The following GRM5 variants were observed in gnomAD, a reference collection of about 807,000 sequenced individuals.
GRM5 encodes glutamate metabotropic receptor 5, also known as metabotropic glutamate receptor 5.
GRM5 carries 19 observed loss-of-function variants against 83.1 expected under a neutral mutation model. That is an observed-to-expected ratio of 0.23 (90% CI 0.16 to 0.34). The LOEUF (loss-of-function observed/expected upper bound fraction) is 0.34, where lower values mean the gene tolerates loss of function less well. Ranked by LOEUF, GRM5 falls within the 10% of genes least tolerant of loss-of-function variation. The pLI is 1.00. For synonymous variants in GRM5, 675 were observed against 633.6 expected (o/e 1.07, Z -0.98); for missense variants, 1,160 against 1,588.3 (o/e 0.73, Z 4.58).
In GRM5 at chr11:88,975,912, G is replaced by T. The variant is rs1231055933; in HGVS notation, c.661+71300C>A. Among the ~76,000 whole-genome samples the T allele has an allele frequency of 2.6e-5, 4 of 152,186 alleles. No homozygotes were observed. In the East Asian group the frequency reaches 5.8e-4, roughly 22 times the overall value. Reference sequence around the variant, plus strand: ...GAGATCATAATAGTGTCCTCCCTTGGTTATAACAAGAATGAAATAATGTTA... The same window carrying T: ...GAGATCATAATAGTGTCCTCCCTTGTTTATAACAAGAATGAAATAATGTTA... On this transcript the variant is annotated intron_variant, in intron 2 of 9. Transcript: ENST00000305447.
At chr11:88,854,077 T>TATATATATATATATATATATATACAC (rs927592084) in intron 2 of GRM5, among the ~76,000 whole-genome samples, 1 of 149,288 alleles carries the variant, frequency 6.7e-6, no homozygotes, top group African/African-American at 2.5e-5. Context: ...TATATATATA[T>TATATATATATATATATATATATACAC]ACACAATGAA....
intron 2 of GRM5, among the ~76,000 whole-genome samples, chr11:88,985,202 A>G (rs1247201448): frequency 2.0e-5 from 3 of 152,072 alleles, no homozygotes; most frequent in Non-Finnish European, 4.4e-5. Flanking sequence ...TCATACCCAC[A>G]ATCCTAAAGG....
In GRM5 at chr11:88,810,635, T is replaced by C. The variant is rs527493342; in HGVS notation, c.911+39271A>G. ...TCGTTGCTCCTACAAACATGCAGCA[T>C]AGGAGGAAGGGAAACAGCTTTTACT... On this transcript the variant is annotated intron_variant, in intron 3 of 9. Transcript: ENST00000305447. Among the ~76,000 whole-genome samples the C allele has an allele frequency of 7.2e-5, 11 of 152,176 alleles. No individual in the cohort carries two copies. In the South Asian group the frequency reaches 2.3e-3, roughly 32 times the overall value.
intron 2 of GRM5, among the ~76,000 whole-genome samples, chr11:88,891,912 A>G (rs1253711556): frequency 6.6e-6 from 1 of 152,080 alleles, no homozygotes; most frequent in African/African-American, 2.4e-5. Context: ...TTGTGCTCAG[A>G]AAGCTAAAGC....
At chr11:88,786,249 T>A (rs1943066046) in intron 3 of GRM5, among the ~76,000 whole-genome samples, 1 of 152,098 alleles carries the variant, frequency 6.6e-6, no homozygotes, top group South Asian at 2.1e-4. Flanking sequence ...GAATAGGAAT[T>A]TGATAGGTAA....
intron 2 of GRM5, among the ~76,000 whole-genome samples, chr11:88,920,243 A>G (rs1945664564): frequency 6.6e-6 from 1 of 152,034 alleles, no homozygotes; most frequent in Non-Finnish European, 1.5e-5. Context: ...CCAAAGGATC[A>G]TTGTAGACTA....
At chr11:88,597,130 G>A (rs2135219093) in intron 6 of GRM5, 54 bp downstream of exon 6, 1 of 1,179,666 alleles carries the variant, frequency 8.5e-7, no homozygotes, top group Non-Finnish European at 1.2e-6. Flanking sequence ...GCCAATGATA[G>A]TTAACACTGT....
intron 2 of GRM5, among the ~76,000 whole-genome samples, chr11:88,908,982 T>C (rs1158877251): frequency 1.3e-5 from 2 of 152,272 alleles, no homozygotes; most frequent in East Asian, 3.9e-4. Context: ...CACTTTGAAC[T>C]TGGCAGCCTG....
chr11:88,937,725 C>A (rs1937947177), intron 2 of GRM5, among the ~76,000 whole-genome samples: 1 of 151,446 alleles, frequency 6.6e-6, no homozygotes, highest in East Asian at 1.9e-4. Context: ...AATTTTAAAG[C>A]AAATTCAGTC....
chr11:88,700,085 A>G (rs1293042840), intron 3 of GRM5, among the ~76,000 whole-genome samples: 1 of 152,172 alleles, frequency 6.6e-6, no homozygotes, highest in Non-Finnish European at 1.5e-5. Flanking sequence ...GTGAATAAGT[A>G]TGAATTATTG....
chr11:89,046,372 CA>C (rs892142545), intron 2 of GRM5, among the ~76,000 whole-genome samples: 1 of 151,712 alleles, frequency 6.6e-6, no homozygotes, highest in African/African-American at 2.4e-5. Context: ...TTAATATACA[CA>C]TTTTTTTTTT....
intron 3 of GRM5, among the ~76,000 whole-genome samples, chr11:88,794,275 T>C (rs1943233523): frequency 6.6e-6 from 1 of 152,160 alleles, no homozygotes; most frequent in Admixed American, 6.6e-5. Context: ...TACCCCATGT[T>C]CAAGCCACTA....
intron 3 of GRM5, among the ~76,000 whole-genome samples, chr11:88,752,935 A>G (rs1942312091): frequency 6.6e-6 from 1 of 152,208 alleles, no homozygotes; most frequent in Admixed American, 6.5e-5. Context: ...CCCCTTCCTT[A>G]CACCATATGC....
intron 3 of GRM5, among the ~76,000 whole-genome samples, chr11:88,746,635 T>A (rs117187672): frequency 7.1e-4 from 108 of 152,252 alleles, no homozygotes; most frequent in Middle Eastern, 3.4e-3. Flanking sequence ...TATTTTCACC[T>A]GCATTCATCA....
Position 89,065,345 on chromosome 11 carries a change from G to C in GRM5, c.-201+431C>G, listed in dbSNP as rs554431233. Among the ~76,000 whole-genome samples the C allele has an allele frequency of 4.6e-5, 7 of 151,246 alleles. No homozygotes were observed. The East Asian group carries it at 5.9e-4, about 13-fold the overall frequency. On this transcript the variant is annotated intron_variant, in intron 1 of 9. Transcript: ENST00000305447. ...GGAGAGAGAGAGAGACAGACACACAGAGAGAGAGATCCAAACGTATCCTTT... is the reference window on the plus strand; with the variant it reads ...GGAGAGAGAGAGAGACAGACACACACAGAGAGAGATCCAAACGTATCCTTT...
chr11:88,630,734 A>G (rs1189190930), intron 4 of GRM5, among the ~76,000 whole-genome samples: 2 of 151,912 alleles, frequency 1.3e-5, no homozygotes, highest in Admixed American at 6.6e-5. Context: ...ATGCACCACC[A>G]TGACTGGCTA....
intron 2 of GRM5, among the ~76,000 whole-genome samples, chr11:88,917,312 CA>C (rs572562464): frequency 9.9e-4 from 151 of 152,210 alleles, no homozygotes; most frequent in Admixed American, 3.6e-3. Context: ...ACACAGTGAC[CA>C]AAGATTTAGA....
intron 3 of GRM5, among the ~76,000 whole-genome samples, chr11:88,749,578 A>C (rs1942219837): frequency 6.6e-6 from 1 of 152,166 alleles, no homozygotes; most frequent in African/African-American, 2.4e-5. Flanking sequence ...ATTCAAATTC[A>C]GGAAATACAG....
intron 2 of GRM5, among the ~76,000 whole-genome samples, chr11:88,989,871 G>A (rs1448520766): frequency 6.6e-6 from 1 of 151,950 alleles, no homozygotes; most frequent in Non-Finnish European, 1.5e-5. Context: ...AGTGCTTTGA[G>A]GGAAATTTAT....
Sources: allele counts gnomAD v4.1 joint callset (sites outside exome capture counted in the v4.1 genomes callset), GRCh38; gene constraint gnomAD v4.1.1; transcripts MANE v1.5; gene names NCBI Gene and HGNC (gene_info 2026-07-23, HGNC 2026-07-21).